CCDC102B: variants seen among roughly 807,000 people sequenced by gnomAD.
CCDC102B encodes the protein coiled-coil domain-containing protein 102B.
Under a neutral mutation model 57.4 loss-of-function variants are expected in CCDC102B, and 75 were observed. The observed-to-expected ratio is 1.31, with a 90% confidence interval of 1.08 to 1.58. CCDC102B has a LOEUF of 1.58. Ranked by LOEUF, CCDC102B falls within the 40% of genes most tolerant of loss-of-function variation. The pLI is 0.00. For synonymous variants in CCDC102B, 206 were observed against 201.9 expected (o/e 1.02, Z -0.17); for missense variants, 636 against 582.6 (o/e 1.09, Z -0.94).
chr18:68,851,432 A>G (rs1463928522), intron 4 of CCDC102B, among the ~76,000 whole-genome samples: 1 of 152,228 alleles, frequency 6.6e-6, no homozygotes, highest in Non-Finnish European at 1.5e-5. Context: ...AAAATGAAGC[A>G]TGTGGGATAC....
At chr18:68,743,333 G>T (rs189255117) in intron 2 of CCDC102B, among the ~76,000 whole-genome samples, 1 of 152,108 alleles carries the variant, frequency 6.6e-6, no homozygotes, top group Non-Finnish European at 1.5e-5. Context: ...ACTTGAACCC[G>T]GGTGGTGGAG....
At chr18:68,881,535 T>TTGAG (rs1190575759) in intron 5 of CCDC102B, among the ~76,000 whole-genome samples, 1 of 152,184 alleles carries the variant, frequency 6.6e-6, no homozygotes, top group African/African-American at 2.4e-5. Context: ...AATGGGTGCA[T>TTGAG]TGAGTAAAGC....
chr18:68,813,462 A>G (rs2036350577), intron 1 of CCDC102B, among the ~76,000 whole-genome samples: 1 of 151,956 alleles, frequency 6.6e-6, no homozygotes, highest in African/African-American at 2.4e-5. Context: ...CAAGAGAAGG[A>G]GGAGTTAGAG....
intron 2 of CCDC102B, among the ~76,000 whole-genome samples, chr18:68,719,750 CAT>C (rs1315275867): frequency 6.6e-6 from 1 of 152,114 alleles, no homozygotes; most frequent in African/African-American, 2.4e-5. Context: ...CAAGTTGAAA[CAT>C]AACATTAACC....
At chr18:69,045,067 G>A (rs746603356) in intron 7 of CCDC102B, among the ~76,000 whole-genome samples, 5 of 151,842 alleles carry the variant, frequency 3.3e-5, no homozygotes, top group Non-Finnish European at 5.9e-5. Context: ...ATACCCTACT[G>A]GAGTAGGGCC....
intron 6 of CCDC102B, among the ~76,000 whole-genome samples, chr18:68,980,895 GT>G (rs2050562574): frequency 6.6e-6 from 1 of 152,040 alleles, no homozygotes. Context: ...AGTATGGTGA[GT>G]TTTGGGCAGA....
At chr18:68,761,476 C>CG (rs545462143) in intron 2 of CCDC102B, among the ~76,000 whole-genome samples, 2 of 151,672 alleles carry the variant, frequency 1.3e-5, no homozygotes, top group African/African-American at 4.8e-5. Context: ...ATCTCCCACT[C>CG]TGAGTGTGAA....
At chr18:69,039,109 A>G (rs17080118) in intron 7 of CCDC102B, among the ~76,000 whole-genome samples, 8,697 of 152,010 alleles carry the variant, frequency 0.057, 383 homozygotes, top group East Asian at 0.16. Context: ...TCTCCATCGC[A>G]AAAATGTCAC....
chr18:68,911,751 CAAAAAA>C (rs74175338), intron 6 of CCDC102B, among the ~76,000 whole-genome samples: 76 of 18,006 alleles, frequency 4.2e-3, no homozygotes, highest in African/African-American at 0.013. Context: ...GACTCCGTCT[CAAAAAA>C]AAAAAAAAAA....
At chr18:69,057,260 C>A (rs1245792558), downstream of CCDC102B, among the ~76,000 whole-genome samples, 1 of 152,066 alleles carries the variant, frequency 6.6e-6, no homozygotes, top group Non-Finnish European at 1.5e-5. Context: ...AAACAAATTA[C>A]CTTGAAACTT....
chr18:68,862,501 G>GTGGTACAGTGCCCAGC (rs2038805158), intron 4 of CCDC102B, among the ~76,000 whole-genome samples: 1 of 152,032 alleles, frequency 6.6e-6, no homozygotes, highest in African/African-American at 2.4e-5. Context: ...AAAATTTTAT[G>GTGGTACAGTGCCCAGC]ATTCAGTAGT....
chr18:69,054,885 T>A lies in CCDC102B; in HGVS notation c.*748T>A. On this transcript the variant is annotated 3_prime_UTR_variant, in exon 8 of 8. Coordinates refer to ENST00000360242, the MANE Select transcript of CCDC102B (RefSeq NM_024781.3). Reference sequence around the variant, plus strand: ...AAATCAGGCCAAAATTAAGCTGTGGTTTCCCTCTGAGTAGTGGGAATAGAG... The same window carrying A: ...AAATCAGGCCAAAATTAAGCTGTGGATTCCCTCTGAGTAGTGGGAATAGAG... The A allele has an allele frequency of 1.0e-6, 1 of 985,364 alleles. No homozygotes were observed. The allele number at this position is 985,364 out of a possible 1,614,324, so 61.0% of individuals were successfully genotyped here.
chr18:68,874,702 A>G lies in CCDC102B; in HGVS notation c.970A>G (p.Met324Val). 3 of 1,611,620 alleles carry G rather than the reference A, an allele frequency of 1.9e-6. No homozygotes were observed. The highest frequency in any genetic ancestry group is 2.5e-6 in the Non-Finnish European group (3 of 1,178,164). ...DILLGQHNDEMQELSGNIKEE... is the reference protein window; with the variant it reads ...DILLGQHNDEVQELSGNIKEE... ...TCTTCTTGGTCAACATAATGATGAA[A>G]TGCAAGAACTGTCAGGCAATATAAA... The change falls in exon 5 of 8, where the codon ATG becomes GTG. Residue 324 changes from methionine (M) to valine (V), a missense_variant. Met to Val is a conservative substitution (Grantham distance 21). Transcript: ENST00000360242.
chr18:68,887,944 CT>C (rs1206458593), intron 5 of CCDC102B, among the ~76,000 whole-genome samples: 1 of 152,128 alleles, frequency 6.6e-6, no homozygotes, highest in Non-Finnish European at 1.5e-5. Flanking sequence ...AATGGGTTTA[CT>C]TTTTACTTAT....
intron 6 of CCDC102B, among the ~76,000 whole-genome samples, chr18:68,907,438 T>C (rs999324500): frequency 6.6e-6 from 1 of 152,242 alleles, no homozygotes; most frequent in Non-Finnish European, 1.5e-5. Flanking sequence ...TCTGTGCATA[T>C]ATCTTTCCAT....
At chr18:68,880,994 C>A (rs528798662) in intron 5 of CCDC102B, among the ~76,000 whole-genome samples, 1 of 152,136 alleles carries the variant, frequency 6.6e-6, no homozygotes, top group Non-Finnish European at 1.5e-5. Context: ...GAAAAATTAT[C>A]TTCTGTTCAT....
intron 3 of CCDC102B, among the ~76,000 whole-genome samples, chr18:68,842,942 G>T (rs1205223124): frequency 6.6e-6 from 1 of 152,150 alleles, no homozygotes; most frequent in Admixed American, 6.5e-5. Flanking sequence ...AGGCAGTGGG[G>T]TCTTCATGGG....
chr18:69,011,361 CATGTGTGT>C lies in CCDC102B; in HGVS notation c.1434+258_1434+265del, dbSNP rs1599845104. On this transcript the variant is annotated intron_variant, in intron 7 of 7. Coordinates refer to ENST00000360242, the MANE Select transcript of CCDC102B (RefSeq NM_024781.3). ...CAGCATGACCTTGTGTGCACGTGCG[CATGTGTGT>C]GTGTGTGTGTGTGTGTGTGTGTGTG... 3.6e-5 allele frequency: 11 copies of C among 305,766 alleles called. No homozygotes were observed. In the South Asian group the frequency reaches 7.4e-4, roughly 21 times the overall value. The allele number at this position is 305,766 out of a possible 1,614,324, so 18.9% of individuals were successfully genotyped here.
intron 1 of CCDC102B, among the ~76,000 whole-genome samples, chr18:68,835,419 T>C (rs960186132): frequency 1.4e-4 from 22 of 152,218 alleles, no homozygotes; most frequent in African/African-American, 5.3e-4. Context: ...CAAATGCACA[T>C]ATTTGTTATA....
Sources: gnomAD v4.1 joint callset for allele counts (sites outside exome capture counted in the v4.1 genomes callset) on GRCh38, gnomAD v4.1.1 for gene constraint, MANE v1.5 for transcripts, NCBI Gene and HGNC (gene_info 2026-07-23, HGNC 2026-07-21) for gene names.